Variants in NOS1AP observed in about 807,000 individuals in gnomAD.
The protein encoded by NOS1AP is nitric oxide synthase 1 adaptor protein.
NOS1AP carries 21 observed loss-of-function variants against 56.2 expected under a neutral mutation model. That is an observed-to-expected ratio of 0.37 (90% CI 0.26 to 0.54). The LOEUF (loss-of-function observed/expected upper bound fraction) is 0.54. Among genes scored for constraint, NOS1AP ranks in the 20% least tolerant of loss-of-function variants. The probability of loss-of-function intolerance (pLI) is 0.84; values close to 1 mark genes in which losing one functional copy is unlikely to be tolerated. For missense variants in NOS1AP, 522 were observed against 657.8 expected (o/e 0.79, Z 2.26); for synonymous variants, 270 against 274.6 (o/e 0.98, Z 0.17).
intron 1 of NOS1AP, among the ~76,000 whole-genome samples, chr1:162,098,102 C>CTTTTTTTTT (rs35307081): frequency 5.3e-4 from 43 of 80,584 alleles, no homozygotes; most frequent in African/African-American, 7.1e-4. Flanking sequence ...CTCTCTTTTG[C>CTTTTTTTTT]TTTTTTTTTT....
chr1:162,204,464 T>C (rs1652098932), intron 2 of NOS1AP, among the ~76,000 whole-genome samples: 1 of 152,194 alleles, frequency 6.6e-6, no homozygotes, highest in Admixed American at 6.5e-5. Context: ...TGTGGGCAGG[T>C]GATGACTGGG....
At chr1:162,281,545 G>A (rs1403388524) in intron 2 of NOS1AP, among the ~76,000 whole-genome samples, 2 of 152,224 alleles carry the variant, frequency 1.3e-5, no homozygotes, top group Non-Finnish European at 2.9e-5. Context: ...GGAAGCGGGA[G>A]TTGGCTTCAC....
intron 1 of NOS1AP, among the ~76,000 whole-genome samples, chr1:162,106,664 G>C (rs1647522819): frequency 6.6e-6 from 1 of 152,196 alleles, no homozygotes; most frequent in East Asian, 1.9e-4. Flanking sequence ...TTGACTTGTA[G>C]AGTAATGTAG....
intron 2 of NOS1AP, among the ~76,000 whole-genome samples, chr1:162,172,948 G>T (rs1293412501): frequency 2.0e-5 from 3 of 151,574 alleles, no homozygotes; most frequent in Non-Finnish European, 2.9e-5. Context: ...TTGTGATGGG[G>T]TCTCAGTCTG....
intron 2 of NOS1AP, among the ~76,000 whole-genome samples, chr1:162,178,730 G>A (rs1185690259): frequency 2.0e-5 from 3 of 152,224 alleles, no homozygotes; most frequent in African/African-American, 7.2e-5. Context: ...CACCAGGGTT[G>A]CCCGTCAGTT....
chr1:162,221,522 ACACACACGCGCG>A (rs1174907320), intron 2 of NOS1AP, among the ~76,000 whole-genome samples: 1 of 59,038 alleles, frequency 1.7e-5, no homozygotes, highest in East Asian at 3.5e-4. Flanking sequence ...ACACACACGC[ACACACACGCGCG>A]CACACACACA....
intron 1 of NOS1AP, among the ~76,000 whole-genome samples, chr1:162,100,364 T>G (rs1692355609): frequency 6.6e-6 from 1 of 152,248 alleles, no homozygotes; most frequent in Non-Finnish European, 1.5e-5. Flanking sequence ...GGTTTCGATT[T>G]GCATTTCTCT....
Position 162,367,186 on chromosome 1 carries a change from C to A in NOS1AP, c.1240C>A (p.Pro414Thr). The A allele has an allele frequency of 1.2e-6, 2 of 1,613,904 alleles. No individual in the cohort carries two copies. Among genetic ancestry groups the A allele is most frequent in the Non-Finnish European group, 1.7e-6 (2 of 1,179,972 alleles). Residue 414 changes from proline (P) to threonine (T), a missense_variant, in exon 10 of 10, where the codon CCT (proline) becomes ACT (threonine). Pro to Thr is a conservative substitution (Grantham distance 38). Transcript: ENST00000361897. This position sits in a 1 kb window ranked among gnomAD's most constrained non-coding sequence, Gnocchi z 6.5. Reference sequence around the variant, plus strand: ...CGCGGGCTTGGCTGACTTTGCCCACCCTGCGGGCAGCCCCTTAGGTAGGCG... The same window carrying A: ...CGCGGGCTTGGCTGACTTTGCCCACACTGCGGGCAGCCCCTTAGGTAGGCG... ...LGAGLADFAH[P>T]AGSPLGRRDC...
At position 162,070,007 on chromosome 1, in the gene NOS1AP, C is replaced by T; in HGVS notation, c.-171C>T. On this transcript the variant is annotated 5_prime_UTR_variant, in exon 1 of 10. Coordinates refer to ENST00000361897, the MANE Select transcript of NOS1AP (RefSeq NM_014697.3). Reference sequence around the variant, plus strand: ...TCAGCTCAGCCCGCTGCCGCTCGGCCCTCGGCACCGCTCCGGGTCCGGCCG... The same window carrying T: ...TCAGCTCAGCCCGCTGCCGCTCGGCTCTCGGCACCGCTCCGGGTCCGGCCG... 1 of 409,142 alleles carries T rather than the reference C, an allele frequency of 2.4e-6. No homozygotes were observed. The highest frequency in any genetic ancestry group is 4.4e-6 in the Non-Finnish European group (1 of 229,674). 25.3% of individuals were successfully genotyped at this position (409,142 alleles called of 1,614,324 possible). A position where few individuals can be genotyped will look rare whatever the true frequency, so the allele number is the denominator to read the frequency against.
At position 162,217,267 on chromosome 1, in the gene NOS1AP, C is replaced by CTTTTTTTTTTT. The variant is rs61378473; in HGVS notation, c.177+62795_177+62805dup. On this transcript the variant is annotated intron_variant, in intron 2 of 9. Transcript: ENST00000361897. The stretch of plus-strand genomic sequence containing the variant: ...TGGGTCCTGAAACAGCTGTTGTTAG[C>CTTTTTTTTTTT]TTTTTTTTTTTTTTGAGATGAAGTC... 2.3e-3 allele frequency among the ~76,000 whole-genome samples: 157 copies of CTTTTTTTTTTT among 68,376 alleles called. 48 individuals are homozygous for CTTTTTTTTTTT. The highest frequency in any genetic ancestry group is 5.4e-3 in the Admixed American group (25 of 4,594). The allele number at this position is 68,376 out of a possible 152,430, so 44.9% of individuals were successfully genotyped here. A position where few individuals can be genotyped will look rare whatever the true frequency, so the allele number is the denominator to read the frequency against.
intron 8 of NOS1AP, among the ~76,000 whole-genome samples, chr1:162,358,335 G>C (rs762142435): frequency 6.6e-6 from 1 of 152,124 alleles, no homozygotes; most frequent in East Asian, 1.9e-4. Context: ...CTTGTAACAC[G>C]GTCTCTCCTG....
At chr1:162,210,590 G>A (rs1280975821) in intron 2 of NOS1AP, among the ~76,000 whole-genome samples, 2 of 152,136 alleles carry the variant, frequency 1.3e-5, no homozygotes, top group African/African-American at 2.4e-5. Flanking sequence ...TATAGGCTCC[G>A]TGTGGAGTTG....
In NOS1AP at chr1:162,138,846, T is replaced by G. The variant is rs139067150; in HGVS notation, c.106-15559T>G. ...ATTCTCGAGGAAGGGGAAGGGACAC[T>G]GCACCTAGGGCAGTTAGCCAGAGCA... On this transcript the variant is annotated intron_variant, in intron 1 of 9. Transcript: ENST00000361897. Among the ~76,000 whole-genome samples the G allele has an allele frequency of 1.9e-3, 286 of 152,258 alleles. 7 individuals carry two copies. The East Asian group carries it at 0.047, about 25-fold the overall frequency.
At chr1:162,214,141 G>A (rs1652462560) in intron 2 of NOS1AP, among the ~76,000 whole-genome samples, 1 of 152,280 alleles carries the variant, frequency 6.6e-6, no homozygotes, top group South Asian at 2.1e-4. Flanking sequence ...AAGTGGAGGA[G>A]TTTTCTTCTT....
At chr1:162,117,006 A>T (rs1441597841) in intron 1 of NOS1AP, among the ~76,000 whole-genome samples, 1 of 152,144 alleles carries the variant, frequency 6.6e-6, no homozygotes, top group Non-Finnish European at 1.5e-5. Flanking sequence ...TCAAAATCAA[A>T]TTCATTTCAT....
intron 2 of NOS1AP, among the ~76,000 whole-genome samples, chr1:162,268,492 C>T (rs1431600199): frequency 6.6e-6 from 1 of 152,118 alleles, no homozygotes; most frequent in Non-Finnish European, 1.5e-5. Flanking sequence ...GGGCAACAAG[C>T]CCTAGTCACT....
chr1:162,208,167 G>A (rs988936329), intron 2 of NOS1AP, among the ~76,000 whole-genome samples: 1 of 152,132 alleles, frequency 6.6e-6, no homozygotes, highest in African/African-American at 2.4e-5. Context: ...CCTGGCAGGG[G>A]CCTCCCAGCC....
At chr1:162,318,643 TTTC>T (rs144829991) in intron 4 of NOS1AP, among the ~76,000 whole-genome samples, 23 of 150,422 alleles carry the variant, frequency 1.5e-4, no homozygotes, top group East Asian at 1.9e-4. Flanking sequence ...ATGAGCCCCC[TTTC>T]TTCTTCTTCT....
intron 1 of NOS1AP, among the ~76,000 whole-genome samples, chr1:162,104,642 A>G (rs1402675858): frequency 1.3e-5 from 2 of 151,428 alleles, no homozygotes; most frequent in Non-Finnish European, 2.9e-5. Flanking sequence ...TTGTCTGCCT[A>G]TCTTATTTCA....
Sources: gnomAD v4.1 joint callset for allele counts (sites outside exome capture counted in the v4.1 genomes callset) on GRCh38, gnomAD v4.1.1 for gene constraint, Gnocchi (gnomAD v3.1) non-coding constraint, MANE v1.5 for transcripts, NCBI Gene and HGNC (gene_info 2026-07-23, HGNC 2026-07-21) for gene names.